KIF20B: variants seen among roughly 807,000 people sequenced by gnomAD.
KIF20B encodes kinesin family member 20B.
Under a neutral mutation model 232.5 loss-of-function variants are expected in KIF20B, and 188 were observed. That is an observed-to-expected ratio of 0.81 (90% CI 0.72 to 0.91). KIF20B has a LOEUF of 0.91. Ranked by LOEUF, KIF20B falls within the 40% of genes least tolerant of loss-of-function variation. The pLI, the probability that KIF20B is intolerant of heterozygous loss-of-function variation, is 0.00. For missense variants in KIF20B, 2,154 were observed against 2,055.9 expected (o/e 1.05, Z -0.92); for synonymous variants, 712 against 683.0 (o/e 1.04, Z -0.66).
chr10:89,748,919 C>T (rs1841972621), intron 23 of KIF20B, among the ~76,000 whole-genome samples: 2 of 151,958 alleles, frequency 1.3e-5, no homozygotes, highest in African/African-American at 4.8e-5. Context: ...TAAAATCTGT[C>T]AGCATTTTGC....
chr10:89,732,831 A>G, intron 18 of KIF20B, 72 bp from the exon 19 acceptor site: 6 of 1,310,960 alleles, frequency 4.6e-6, no homozygotes, highest in Non-Finnish European at 6.1e-6. Context: ...CACCATTGAA[A>G]GTAATTTATG....
intron 5 of KIF20B, among the ~76,000 whole-genome samples, chr10:89,710,420 G>A (rs1257262981): frequency 6.6e-6 from 1 of 151,994 alleles, no homozygotes; most frequent in Non-Finnish European, 1.5e-5. Context: ...GTAGAAATGG[G>A]GGTTCACCAT....
chr10:89,705,301 T>G lies in KIF20B; in HGVS notation c.7T>G (p.Ser3Ala). Reference sequence around the variant, plus strand: ...TTGCTGTTATTCTTGCAGAATGGAATCTAATTTTAATCAAGAGGGAGTACC... The same window carrying G: ...TTGCTGTTATTCTTGCAGAATGGAAGCTAATTTTAATCAAGAGGGAGTACC... Reference protein sequence around the residue: MESNFNQEGVPRP... With the variant: MEANFNQEGVPRP... The change falls in exon 2 of 33, where the codon TCT (serine) becomes GCT (alanine). Residue 3 changes from serine (S) to alanine (A), a missense_variant. Physicochemically the swap from Ser to Ala is moderately conservative, Grantham distance 99. Transcript: ENST00000371728. 3 of 1,613,818 alleles carry G rather than the reference T, an allele frequency of 1.9e-6. No homozygotes were observed. Among genetic ancestry groups the G allele is most frequent in the Non-Finnish European group, 2.5e-6 (3 of 1,179,870 alleles).
chr10:89,717,008 C>G (rs1380285348), intron 9 of KIF20B, among the ~76,000 whole-genome samples: 3 of 152,062 alleles, frequency 2.0e-5, no homozygotes, highest in Admixed American at 2.0e-4. Context: ...AGAAGGAGCC[C>G]TGTTCCCGTA....
chr10:89,735,979 T>G (rs1400830166), intron 19 of KIF20B, among the ~76,000 whole-genome samples: 1 of 152,134 alleles, frequency 6.6e-6, no homozygotes, highest in Non-Finnish European at 1.5e-5. Flanking sequence ...TCTTACATAG[T>G]GAGGATATCA....
intron 26 of KIF20B, among the ~76,000 whole-genome samples, chr10:89,757,040 G>GTATATATATATATATATATATATATATA (rs34325599): frequency 2.7e-5 from 3 of 110,746 alleles, no homozygotes; most frequent in Admixed American, 9.6e-5. Context: ...GTGTGTGTGT[G>GTATATATATATATATATATATATATATA]TATATATATA....
At chr10:89,721,161 TA>T (rs1375158220) in intron 13 of KIF20B, among the ~76,000 whole-genome samples, 1 of 152,208 alleles carries the variant, frequency 6.6e-6, no homozygotes, top group Admixed American at 6.5e-5. Context: ...TGCAGAAGTA[TA>T]AGTAGAACGA....
At chr10:89,707,928 C>T (rs1842758727) in intron 2 of KIF20B, among the ~76,000 whole-genome samples, 1 of 152,116 alleles carries the variant, frequency 6.6e-6, no homozygotes, top group Admixed American at 6.5e-5. Context: ...AGTTTCTCTT[C>T]ATTTATTCTT....
chr10:89,751,032 ATAGT>A (rs148005918), intron 23 of KIF20B, among the ~76,000 whole-genome samples: 12,628 of 152,110 alleles, frequency 0.083, 662 homozygotes, highest in East Asian at 0.13. Flanking sequence ...GTTCATAGTA[ATAGT>A]TAGTTGTATC....
chr10:89,737,021 C>T (rs143985949), intron 19 of KIF20B, among the ~76,000 whole-genome samples: 10 of 152,132 alleles, frequency 6.6e-5, no homozygotes, highest in Admixed American at 2.0e-4. Flanking sequence ...TAGGGTTTCT[C>T]GTCATCTCCT....
chr10:89,757,067 T>TATATAC (rs1842143769), intron 26 of KIF20B, among the ~76,000 whole-genome samples: 1 of 132,054 alleles, frequency 7.6e-6, no homozygotes, highest in Non-Finnish European at 1.6e-5. Flanking sequence ...TATATATATA[T>TATATAC]ATACACACAT....
At chr10:89,716,357 A>G in intron 8 of KIF20B, 79 bp from the exon 9 acceptor site, 1 of 638,312 alleles carries the variant, frequency 1.6e-6, no homozygotes, top group South Asian at 2.3e-5. Flanking sequence ...TCACTAGGAA[A>G]AGACTTTCAA....
chr10:89,719,594 A>G lies in KIF20B; in HGVS notation c.1610A>G (p.Glu537Gly). The change falls in exon 13 of 33, where the codon GAG (glutamate) becomes GGG (glycine). Residue 537 changes from glutamate to glycine, a missense_variant. Transcript: ENST00000371728. ...EDLMEDEDLV[E>G]ELENAEETQN... ...TTGATGGAAGACGAGGATTTGGTTG[A>G]GGAGCTAGAAAACGCTGAAGAAACT... The G allele has an allele frequency of 6.2e-7, 1 of 1,613,574 alleles. No homozygotes were observed. The highest frequency in any genetic ancestry group is 8.5e-7 in the Non-Finnish European group (1 of 1,179,654).
At chr10:89,719,096 A>G (rs533245428) in intron 12 of KIF20B, among the ~76,000 whole-genome samples, 3 of 152,326 alleles carry the variant, frequency 2.0e-5, no homozygotes, top group African/African-American at 7.2e-5. Context: ...TTATAAATTA[A>G]TGAGTATTTT....
intron 29 of KIF20B, 144 bp from the exon 30 acceptor site, chr10:89,768,145 CA>C: frequency 1.7e-6 from 1 of 603,370 alleles, no homozygotes; most frequent in Non-Finnish European, 3.0e-6. Flanking sequence ...CAAACATTGC[CA>C]TTGTCCTCTG....
intron 23 of KIF20B, among the ~76,000 whole-genome samples, chr10:89,750,827 A>G (rs138394407): frequency 1.9e-4 from 29 of 152,290 alleles, no homozygotes; most frequent in African/African-American, 6.5e-4. Flanking sequence ...TAAAAATTTA[A>G]AATAGAAACA....
At position 89,723,962 on chromosome 10, in the gene KIF20B, A is replaced by G; in HGVS notation, c.1723-2A>G. 6.6e-7 allele frequency: 1 copy of G among 1,522,782 alleles called. No homozygotes were observed. The highest frequency in any genetic ancestry group is 8.8e-7 in the Non-Finnish European group (1 of 1,130,668). The allele number at this position is 1,522,782 out of a possible 1,614,324, so 94.3% of individuals were successfully genotyped here. Reference sequence around the variant, plus strand: ...AAGAATTTTATCATTTACATGTAATAGAAACTGTTGGACTTAATAGAAGAC... The same window carrying G: ...AAGAATTTTATCATTTACATGTAATGGAAACTGTTGGACTTAATAGAAGAC... On this transcript the variant is annotated splice_acceptor_variant, in intron 13 of 32. Coordinates refer to ENST00000371728, the MANE Select transcript of KIF20B (RefSeq NM_001284259.2). LOFTEE classifies it high-confidence loss of function.
At chr10:89,755,108 T>C (rs989951624) in intron 26 of KIF20B, among the ~76,000 whole-genome samples, 1 of 152,254 alleles carries the variant, frequency 6.6e-6, no homozygotes, top group African/African-American at 2.4e-5. Context: ...GTAGGTCTTG[T>C]AATGATTGTC....
In KIF20B at chr10:89,774,096, GA is replaced by G; in HGVS notation, c.*50del. ...ATAAATTTTATAGTCATAGTCATTG[GA>G]ACTTGCATCCTGTATTGTAAATATA... On this transcript the variant is annotated 3_prime_UTR_variant, in exon 33 of 33. Transcript: ENST00000371728. 8.8e-7 allele frequency: 1 copy of G among 1,134,072 alleles called. No homozygotes were observed. The highest frequency in any genetic ancestry group is 1.3e-6 in the Non-Finnish European group (1 of 780,418). The allele number at this position is 1,134,072 out of a possible 1,614,324, so 70.3% of individuals were successfully genotyped here. A position where few individuals can be genotyped will look rare whatever the true frequency, so the allele number is the denominator to read the frequency against.
Sources: allele counts gnomAD v4.1 joint callset (sites outside exome capture counted in the v4.1 genomes callset), GRCh38; gene constraint gnomAD v4.1.1; transcripts MANE v1.5; gene names NCBI Gene and HGNC (gene_info 2026-07-23, HGNC 2026-07-21).